Variants in TENM2 observed in about 807,000 individuals in gnomAD.
TENM2 encodes the protein teneurin transmembrane protein 2, also known as teneurin-2.
TENM2 carries 52 observed loss-of-function variants against 245.2 expected under a neutral mutation model. The ratio of observed to expected loss-of-function variants is 0.21; its 90% CI spans 0.17 to 0.27. The LOEUF is 0.27. Ranked by LOEUF, TENM2 falls within the 10% of genes least tolerant of loss-of-function variation. TENM2 has a pLI of 1.00. For synonymous variants in TENM2, 1,363 were observed against 1,438.9 expected (o/e 0.95, Z 1.19); for missense variants, 3,046 against 3,666.8 (o/e 0.83, Z 4.37).
the TENM2 span, among the ~76,000 whole-genome samples, chr5:167,006,920 G>C: frequency 6.6e-6 from 1 of 152,212 alleles, no homozygotes; most frequent in South Asian, 2.1e-4. Flanking sequence ...ACCCACCTCG[G>C]CCTCCGAAAG....
intron 2 of TENM2, among the ~76,000 whole-genome samples, chr5:167,384,626 G>A (rs1025404434): frequency 4.6e-5 from 7 of 152,234 alleles, no homozygotes; most frequent in African/African-American, 1.4e-4. Flanking sequence ...ACTATTGAAA[G>A]TTTATGTGAG....
At chr5:167,262,458 A>T in the TENM2 span, among the ~76,000 whole-genome samples, 2 of 151,944 alleles carry the variant, frequency 1.3e-5, no homozygotes, top group African/African-American at 4.8e-5. Flanking sequence ...GATGTATGAG[A>T]TCCTAAAGAT....
intron 2 of TENM2, among the ~76,000 whole-genome samples, chr5:167,750,732 T>G (rs1761905120): frequency 6.6e-6 from 1 of 152,088 alleles, no homozygotes; most frequent in Non-Finnish European, 1.5e-5. Context: ...TTAATAAAAA[T>G]GATGTGGGTA....
At chr5:167,247,691 T>C in the TENM2 span, among the ~76,000 whole-genome samples, 2 of 152,194 alleles carry the variant, frequency 1.3e-5, no homozygotes, top group African/African-American at 4.8e-5. Flanking sequence ...CATTTCTTTC[T>C]ACATTGTTCC....
chr5:167,546,810 C>T lies in TENM2; in HGVS notation c.502+171337C>T, dbSNP rs149514865. On this transcript the variant is annotated intron_variant, in intron 2 of 28. Transcript: ENST00000518659. ...TGCTCAAAAGACTAAACTAACCTCT[C>T]GGTCAACTTCAATGTGCTAATTTAC... 4.5e-3 allele frequency among the ~76,000 whole-genome samples: 686 copies of T among 152,232 alleles called. 3 individuals carry two copies. The highest frequency in any genetic ancestry group is 6.6e-3 in the Non-Finnish European group (446 of 68,008).
chr5:167,042,459 T>C, the TENM2 span, among the ~76,000 whole-genome samples: 3 of 152,224 alleles, frequency 2.0e-5, no homozygotes, highest in African/African-American at 7.2e-5. Context: ...CTTTCTTCAA[T>C]AAACTACATT....
intron 2 of TENM2, among the ~76,000 whole-genome samples, chr5:167,577,802 A>T (rs1774810384): frequency 6.6e-6 from 1 of 152,168 alleles, no homozygotes; most frequent in South Asian, 2.1e-4. Context: ...ACAACAAAAG[A>T]TGCCTCTCCA....
intron 2 of TENM2, among the ~76,000 whole-genome samples, chr5:167,861,182 T>C (rs1771769880): frequency 6.6e-6 from 1 of 152,218 alleles, no homozygotes; most frequent in Non-Finnish European, 1.5e-5. Flanking sequence ...CCTTCTCTCC[T>C]TTCTCTCTCT....
the TENM2 span, among the ~76,000 whole-genome samples, chr5:167,078,793 A>T: frequency 2.1e-3 from 327 of 152,304 alleles, 6 homozygotes; most frequent in East Asian, 0.037. Context: ...TTGAATATAA[A>T]CTATTGATTT....
intron 16 of TENM2, among the ~76,000 whole-genome samples, chr5:168,199,432 A>G (rs1349999151): frequency 2.0e-5 from 3 of 152,208 alleles, no homozygotes; most frequent in Admixed American, 2.0e-4. Context: ...AGGCGCTTTA[A>G]TGATCTACAT....
At chr5:167,298,547 T>C (rs1165579819) in intron 1 of TENM2, among the ~76,000 whole-genome samples, 1 of 152,120 alleles carries the variant, frequency 6.6e-6, no homozygotes, top group Non-Finnish European at 1.5e-5. Context: ...GAGCCTGCAG[T>C]GAGCCGAGAT....
At position 167,662,465 on chromosome 5, in the gene TENM2, A is replaced by T. The variant is rs12657798; in HGVS notation, c.503-213521A>T. ...GGATCGTGGGGATTCTTTAAGCTTT[A>T]TTAGTTAATTCACCCCAAACACTTG... On this transcript the variant is annotated intron_variant, in intron 2 of 28. Coordinates refer to ENST00000518659, the Ensembl canonical transcript of TENM2. Among the ~76,000 whole-genome samples, 17 of 152,262 alleles carry T rather than the reference A, an allele frequency of 1.1e-4. No homozygotes were observed. In the East Asian group the frequency reaches 2.7e-3, roughly 24 times the overall value.
At chr5:167,393,683 G>C (rs1178085281) in intron 2 of TENM2, among the ~76,000 whole-genome samples, 2 of 152,150 alleles carry the variant, frequency 1.3e-5, no homozygotes, top group Non-Finnish European at 2.9e-5. Context: ...ACAGAGTTTT[G>C]AGCATAAGAA....
chr5:167,240,054 G>A, the TENM2 span, among the ~76,000 whole-genome samples: 36 of 152,328 alleles, frequency 2.4e-4, no homozygotes, highest in East Asian at 5.2e-3. Context: ...GATTACTGGC[G>A]TGAGCCATTA....
rs141708095 is a variant in TENM2, at chr5:167,676,024, C to A, written c.503-199962C>A. Among the ~76,000 whole-genome samples the A allele has an allele frequency of 9.0e-4, 137 of 152,080 alleles. No homozygotes were observed. The Middle Eastern group carries it at 0.01, about 11-fold the overall frequency. On this transcript the variant is annotated intron_variant, in intron 2 of 28. Coordinates refer to ENST00000518659, the Ensembl canonical transcript of TENM2. Reference sequence around the variant, plus strand: ...AAGCCTGACAATGACCTAGAACAGACAACATGAACTCTCAAGCCCATTCAA... The same window carrying A: ...AAGCCTGACAATGACCTAGAACAGAAAACATGAACTCTCAAGCCCATTCAA...
At chr5:167,984,763 C>G (rs999840553) in intron 4 of TENM2, among the ~76,000 whole-genome samples, 1 of 152,202 alleles carries the variant, frequency 6.6e-6, no homozygotes, top group Non-Finnish European at 1.5e-5. Flanking sequence ...TTTTGCTACT[C>G]AAGTAGGGCT....
intron 4 of TENM2, among the ~76,000 whole-genome samples, chr5:167,967,447 A>T (rs1051086773): frequency 1.3e-5 from 2 of 152,006 alleles, no homozygotes; most frequent in African/African-American, 4.8e-5. Flanking sequence ...ATTCAAGACC[A>T]CTCCAGCCTA....
chr5:167,893,489 G>C (rs1353377640), intron 3 of TENM2, among the ~76,000 whole-genome samples: 1 of 152,128 alleles, frequency 6.6e-6, no homozygotes, highest in Non-Finnish European at 1.5e-5. Context: ...CTTTAACTCT[G>C]TGAGTTTCTG....
intron 5 of TENM2, among the ~76,000 whole-genome samples, chr5:168,027,220 G>A (rs1786706648): frequency 6.6e-6 from 1 of 152,058 alleles, no homozygotes; most frequent in Admixed American, 6.5e-5. Context: ...TGATCATGGG[G>A]CTGTGGGGCA....
Sources: allele counts gnomAD v4.1 joint callset (sites outside exome capture counted in the v4.1 genomes callset), GRCh38; gene constraint gnomAD v4.1.1; transcripts MANE v1.5; gene names NCBI Gene and HGNC (gene_info 2026-07-23, HGNC 2026-07-21).